The following PLA2G4D variants were observed in gnomAD, a reference collection of about 807,000 sequenced individuals.
The protein encoded by PLA2G4D is cytosolic phospholipase A2 delta.
A neutral mutation model predicts 94.4 loss-of-function variants in PLA2G4D; 80 were observed. The ratio of observed to expected loss-of-function variants is 0.85; its 90% CI spans 0.71 to 1.02. The LOEUF is 1.02. Ranked by LOEUF, PLA2G4D falls within the 50% of genes least tolerant of loss-of-function variation. PLA2G4D has a pLI of 0.00. For missense variants in PLA2G4D, 1,050 were observed against 1,034.7 expected, an observed-to-expected ratio of 1.01 and a Z score of -0.20; for synonymous variants, 438 against 440.9, an observed-to-expected ratio of 0.99 and a Z score of 0.08.
In PLA2G4D at chr15:42,072,345, A is replaced by T. The variant is rs745452413; in HGVS notation, c.1365T>A (p.Gly455=). 1.2e-6 allele frequency: 2 copies of T among 1,613,366 alleles called. No individual in the cohort carries two copies. The highest frequency in any genetic ancestry group is 2.7e-5 in the African/African-American group (2 of 74,892). Residue 455 remains glycine, a synonymous_variant, in exon 14 of 20, where the codon GGT becomes GGA. Transcript: ENST00000290472. ...LSGQRAALER[G]QNPLPLYLSL... Reference sequence around the variant, plus strand: ...TCAAGTAGAGGGGCAGAGGGTTCTGACCCCGTTCCAGGGCGGCTCTCTGTC... The same window carrying T: ...TCAAGTAGAGGGGCAGAGGGTTCTGTCCCCGTTCCAGGGCGGCTCTCTGTC...
intron 1 of PLA2G4D, among the ~76,000 whole-genome samples, chr15:42,089,129 T>C (rs1273929184): frequency 2.0e-5 from 3 of 152,232 alleles, no homozygotes; most frequent in Non-Finnish European, 4.4e-5. Flanking sequence ...GTGCAGTGTT[T>C]GCACAGTGAA....
At chr15:42,073,836 C>T (rs1346179593) in intron 13 of PLA2G4D, among the ~76,000 whole-genome samples, 1 of 152,192 alleles carries the variant, frequency 6.6e-6, no homozygotes, top group Non-Finnish European at 1.5e-5. Flanking sequence ...CATGGCGAAA[C>T]TCAACACACC....
At chr15:42,085,664 T>C in intron 4 of PLA2G4D, 133 bp from the exon 5 acceptor site, 1 of 864,784 alleles carries the variant, frequency 1.2e-6, no homozygotes, top group Non-Finnish European at 1.9e-6. Flanking sequence ...TTATTTCCAA[T>C]TTATGGATGA....
In PLA2G4D at chr15:42,083,244, A is replaced by G. The variant is rs776377256; in HGVS notation, c.626T>C (p.Phe209Ser). ...SFLGTASAFR[F>S]HYMAALETEL... ...TGTCTCTAGGGCTGCCATGTAGTGG[A>G]AGCGGAAGGCAGAGGCTGTGCCCAG... The change falls in exon 8 of 20, where the codon TTC (phenylalanine) becomes TCC (serine). Residue 209 changes from phenylalanine to serine, a missense_variant. Phe to Ser is a radical substitution (Grantham distance 155, BLOSUM62 -2). Transcript: ENST00000290472. 2 of 1,614,148 alleles carry G rather than the reference A, an allele frequency of 1.2e-6. No homozygotes were observed. The highest frequency in any genetic ancestry group is 2.2e-5 in the South Asian group (2 of 91,090).
intron 8 of PLA2G4D, among the ~76,000 whole-genome samples, 190 bp from the exon 9 acceptor site, chr15:42,082,579 G>A (rs1250143386): frequency 1.3e-5 from 2 of 152,118 alleles, no homozygotes; most frequent in African/African-American, 2.4e-5. Context: ...TTGTTCTCAC[G>A]GAATAGCATG....
intron 1 of PLA2G4D, among the ~76,000 whole-genome samples, 197 bp from the exon 2 acceptor site, chr15:42,087,897 C>T (rs2141103259): frequency 6.6e-6 from 1 of 152,366 alleles, no homozygotes; most frequent in East Asian, 1.9e-4. Flanking sequence ...TGGTTCTGGG[C>T]TGCAGCAGTC....
At chr15:42,093,520 G>A (rs1006155566) in intron 1 of PLA2G4D, among the ~76,000 whole-genome samples, 3 of 152,174 alleles carry the variant, frequency 2.0e-5, no homozygotes, top group African/African-American at 2.4e-5. Context: ...GGACTCCCCC[G>A]CATCCAAATG....
At position 42,071,791 on chromosome 15, in the gene PLA2G4D, C is replaced by T. The variant is rs766658911; in HGVS notation, c.1556G>A (p.Arg519Gln). The T allele has an allele frequency of 9.3e-5, 150 of 1,613,972 alleles. 1 individual carries two copies. Among genetic ancestry groups the T allele is most frequent in the Non-Finnish European group, 2.7e-5 (32 of 1,179,998 alleles). The change falls in exon 15 of 20, where the codon CGG becomes CAG. Residue 519 changes from arginine (R) to glutamine (Q), a missense_variant. Coordinates refer to ENST00000290472, the MANE Select transcript of PLA2G4D (RefSeq NM_178034.4). ...GRLMRRIPEPRICFLEAIWSN... is the reference protein window; with the variant it reads ...GRLMRRIPEPQICFLEAIWSN... ...ACCCTCACCTTCCAGAAAGCAGATC[C>T]GGGGCTCCGGGATCCTCCTCATCAG... is the stretch of plus-strand genomic sequence containing the variant.
chr15:42,093,277 G>A (rs1381889555), intron 1 of PLA2G4D, among the ~76,000 whole-genome samples: 1 of 152,354 alleles, frequency 6.6e-6, no homozygotes, highest in Non-Finnish European at 1.5e-5. Flanking sequence ...TTCCAGGTGT[G>A]GGGCCGACTG....
At chr15:42,081,876 C>T in intron 9 of PLA2G4D, 42 bp from the exon 10 acceptor site, 1 of 1,613,006 alleles carries the variant, frequency 6.2e-7, no homozygotes, top group Non-Finnish European at 8.5e-7. Flanking sequence ...CCTCCTAGAC[C>T]CTAAGCGGCA....
At chr15:42,070,623 C>A (rs2459692) in intron 18 of PLA2G4D, 94 bp downstream of exon 18, 4 of 1,379,356 alleles carry the variant, frequency 2.9e-6, no homozygotes, top group African/African-American at 2.9e-5. Flanking sequence ...TTCGGGACCC[C>A]GGCGGTGTGG....
rs1368538876 is a variant in PLA2G4D at position 42,087,359 on chromosome 15, C to T, written c.196G>A (p.Asp66Asn). Residue 66 changes from aspartate to asparagine, a missense_variant, in exon 3 of 20, where the codon GAC (aspartate) becomes AAC (asparagine). By Grantham distance (23) the Asp-to-Asn change is conservative. Coordinates refer to ENST00000290472, the MANE Select transcript of PLA2G4D (RefSeq NM_178034.4). ...TCATTCCACACAGGATGACTGGTGT[C>T]GGTGAGCGTCTTGGTCTTAAACTTC... ...GMKFKTKTLT[D>N]TSHPVWNEAF... The T allele has an allele frequency of 4.3e-6, 7 of 1,614,028 alleles. No homozygotes were observed. The highest frequency in any genetic ancestry group is 1.3e-5 in the African/African-American group (1 of 74,904).
In PLA2G4D at chr15:42,084,405, T is replaced by C. The variant is rs1398807777; in HGVS notation, c.472-626A>G. Among the ~76,000 whole-genome samples the C allele has an allele frequency of 6.6e-6, 1 of 152,212 alleles. No homozygotes were observed. The highest frequency in any genetic ancestry group is 1.5e-5 in the Non-Finnish European group (1 of 68,040). On this transcript the variant is annotated intron_variant, in intron 6 of 19. Coordinates refer to ENST00000290472, the MANE Select transcript of PLA2G4D (RefSeq NM_178034.4). This position sits in a 1 kb window ranked among gnomAD's most constrained non-coding sequence, Gnocchi z 4.8. ...CCATCGGCTTGACTTTATTTTCATGTGTATTTTTAAAAGTAATACCCGTCC... is the reference window on the plus strand; with the variant it reads ...CCATCGGCTTGACTTTATTTTCATGCGTATTTTTAAAAGTAATACCCGTCC...
intron 1 of PLA2G4D, among the ~76,000 whole-genome samples, chr15:42,092,515 T>C (rs1044696526): frequency 6.6e-6 from 1 of 152,232 alleles, no homozygotes; most frequent in African/African-American, 2.4e-5. Flanking sequence ...TTAACTGATA[T>C]GAATCTTTTC....
At chr15:42,086,667 A>T (rs1451586123) in intron 3 of PLA2G4D, among the ~76,000 whole-genome samples, 1 of 152,082 alleles carries the variant, frequency 6.6e-6, no homozygotes, top group Non-Finnish European at 1.5e-5. Context: ...CCTGGCCAAC[A>T]TGGTGAAACC....
intron 13 of PLA2G4D, among the ~76,000 whole-genome samples, chr15:42,078,562 C>T (rs187216546): frequency 1.8e-4 from 28 of 152,200 alleles, no homozygotes; most frequent in Admixed American, 5.2e-4. Flanking sequence ...TGTACTTAAC[C>T]GGTAAGAATA....
intron 13 of PLA2G4D, among the ~76,000 whole-genome samples, chr15:42,077,538 T>G (rs1294470501): frequency 1.3e-5 from 2 of 152,250 alleles, no homozygotes; most frequent in East Asian, 3.8e-4. Context: ...TTCTTACCTC[T>G]CCTAGGACCT....
At chr15:42,087,556 C>T (rs990230522) in intron 2 of PLA2G4D, 72 bp downstream of exon 2, 1 of 1,606,230 alleles carries the variant, frequency 6.2e-7, no homozygotes, top group South Asian at 1.1e-5. Context: ...AGCCCCAGGG[C>T]ACTCGTCTTG....
Position 42,087,290 on chromosome 15 carries a change from G to T in PLA2G4D, c.255+10C>A. The T allele has an allele frequency of 6.2e-7, 1 of 1,613,896 alleles. No individual in the cohort carries two copies. The highest frequency in any genetic ancestry group is 1.1e-5 in the South Asian group (1 of 91,072). ...TCACAAGGGAGTGGCCAGGAGTCCC[G>T]GGCCTTCACCTTGACCTGACTTTGG... On this transcript the variant is annotated intron_variant, in intron 3 of 19. Transcript: ENST00000290472.
Sources: gnomAD v4.1 joint callset for allele counts (sites outside exome capture counted in the v4.1 genomes callset) on GRCh38, gnomAD v4.1.1 for gene constraint, Gnocchi (gnomAD v3.1) non-coding constraint, MANE v1.5 for transcripts, NCBI Gene and HGNC (gene_info 2026-07-23, HGNC 2026-07-21) for gene names.